Variants in IFFO2 observed in about 807,000 individuals in gnomAD.
IFFO2 encodes intermediate filament family orphan 2.
A neutral mutation model predicts 53.5 loss-of-function variants in IFFO2; 19 were observed. That is an observed-to-expected ratio of 0.36 (90% CI 0.25 to 0.52). The LOEUF is 0.52. Ranked by LOEUF, IFFO2 falls within the 20% of genes least tolerant of loss-of-function variation. IFFO2 has a pLI of 0.94. For missense variants in IFFO2, 570 were observed against 727.4 expected (o/e 0.78, Z 2.49); for synonymous variants, 303 against 313.6 (o/e 0.97, Z 0.36).
At chr1:18,911,243 G>A (rs1936031763) in intron 7 of IFFO2, 141 bp downstream of exon 7, 3 of 417,034 alleles carry the variant, frequency 7.2e-6, no homozygotes, top group South Asian at 9.3e-5. Flanking sequence ...TACTCGCCCC[G>A]AGGCCTCCTG....
chr1:18,919,821 G>T lies in IFFO2; in HGVS notation c.727-48C>A. The T allele has an allele frequency of 1.5e-6, 2 of 1,334,844 alleles. No homozygotes were observed. Among genetic ancestry groups the T allele is most frequent in the Non-Finnish European group, 1.0e-6 (1 of 952,504 alleles). The allele number at this position is 1,334,844 out of a possible 1,614,324, so 82.7% of individuals were successfully genotyped here. Reference sequence around the variant, plus strand: ...GCTTCAGAGGGGCCGGGTCCTCTGGGGATAGGAGGGTCTGGACACCTGAGT... The same window carrying T: ...GCTTCAGAGGGGCCGGGTCCTCTGGTGATAGGAGGGTCTGGACACCTGAGT... On this transcript the variant is annotated intron_variant, in intron 2 of 8. Transcript: ENST00000455833. This position sits in a 1 kb window ranked among gnomAD's most constrained non-coding sequence, Gnocchi z 4.9.
rs1307266891 is a variant in IFFO2 at position 18,908,551 on chromosome 1, G to A, written c.*10C>T. ...TCACCAAGACCACCAGGCTCGCAGG[G>A]CCTCAGTCATCAGCTGACCATGGGC... On this transcript the variant is annotated 3_prime_UTR_variant, in exon 9 of 9. Transcript: ENST00000455833. 6.5e-7 allele frequency: 1 copy of A among 1,542,966 alleles called. No homozygotes were observed. Among genetic ancestry groups the A allele is most frequent in the African/African-American group, 1.4e-5 (1 of 72,878 alleles).
At chr1:18,924,636 C>A (rs1936257512) in intron 1 of IFFO2, among the ~76,000 whole-genome samples, 1 of 152,214 alleles carries the variant, frequency 6.6e-6, no homozygotes, top group African/African-American at 2.4e-5. Flanking sequence ...GGATTCGAAC[C>A]CAGGTCTGAC....
intron 5 of IFFO2, 125 bp from the exon 6 acceptor site, chr1:18,912,208 G>T: frequency 1.7e-6 from 2 of 1,168,192 alleles, no homozygotes; most frequent in Non-Finnish European, 2.4e-6. Context: ...GGAAAGACAG[G>T]GGTAGTAAGC....
intron 6 of IFFO2, 31 bp downstream of exon 6, chr1:18,911,932 T>C: frequency 6.4e-7 from 1 of 1,550,914 alleles, no homozygotes; most frequent in East Asian, 2.4e-5. Flanking sequence ...CCCCTAGTCC[T>C]GGCCTTTGGG....
chr1:18,919,626 A>G lies in IFFO2; in HGVS notation c.822+52T>C. ...CCTCGGAGGGAATGAAGCATTTTGC[A>G]TGATGGGTGTGGGGGAGGTCATGAC... On this transcript the variant is annotated intron_variant, in intron 3 of 8. Coordinates refer to ENST00000455833, the MANE Select transcript of IFFO2 (RefSeq NM_001136265.2). This position sits in a 1 kb window ranked among gnomAD's most constrained non-coding sequence, Gnocchi z 4.9. The G allele has an allele frequency of 1.7e-6, 2 of 1,210,030 alleles. No homozygotes were observed. Among genetic ancestry groups the G allele is most frequent in the Middle Eastern group, 1.9e-4 (1 of 5,320 alleles). 75.0% of individuals were successfully genotyped at this position (1,210,030 alleles called of 1,614,324 possible). A position where few individuals can be genotyped will look rare whatever the true frequency, so the allele number is the denominator to read the frequency against.
At position 18,912,074 on chromosome 1, in the gene IFFO2, G is replaced by A. The variant is rs61750842; in HGVS notation, c.1113C>T (p.Thr371=). 4 of 1,551,518 alleles carry A rather than the reference G, an allele frequency of 2.6e-6. No homozygotes were observed. Among genetic ancestry groups the A allele is most frequent in the Non-Finnish European group, 3.5e-6 (4 of 1,146,924 alleles). Residue 371 remains threonine, a synonymous_variant, in exon 6 of 9, where the codon ACC becomes ACT. Coordinates refer to ENST00000455833, the MANE Select transcript of IFFO2 (RefSeq NM_001136265.2). ...MKRMFNQLRE[T]FDFDDDCDSL... ...TGTCACAGTCGTCGTCAAAGTCAAAGGTCTCCCGCCTGTGGGGGTGACACC... is the reference window on the plus strand; with the variant it reads ...TGTCACAGTCGTCGTCAAAGTCAAAAGTCTCCCGCCTGTGGGGGTGACACC...
At chr1:18,952,768 G>T (rs1171017477) in intron 1 of IFFO2, among the ~76,000 whole-genome samples, 1 of 152,146 alleles carries the variant, frequency 6.6e-6, no homozygotes, top group Non-Finnish European at 1.5e-5. Context: ...CCCTAAAACG[G>T]GATTGTGGTA....
chr1:18,943,521 A>G (rs1936546727), intron 1 of IFFO2, among the ~76,000 whole-genome samples: 1 of 152,238 alleles, frequency 6.6e-6, no homozygotes, highest in Non-Finnish European at 1.5e-5. Context: ...CAACTCCAAC[A>G]TTCTAGGCAA....
Position 18,936,766 on chromosome 1 carries a change from A to C in IFFO2, c.666-15645T>G, listed in dbSNP as rs1390727196. ...TTTCCTTATCATGTGCAGCCTGAAA[A>C]AATGAGGGGCTGGCAGCCAGGCAGA... On this transcript the variant is annotated intron_variant, in intron 1 of 8. Transcript: ENST00000455833. The surrounding 1 kb of genome is among the most constrained non-coding windows in gnomAD (Gnocchi z 4.5). 3.3e-5 allele frequency among the ~76,000 whole-genome samples: 5 copies of C among 152,182 alleles called. No homozygotes were observed.
intron 1 of IFFO2, among the ~76,000 whole-genome samples, chr1:18,952,240 C>T (rs568654651): frequency 2.0e-5 from 3 of 152,218 alleles, no homozygotes; most frequent in East Asian, 1.9e-4. Context: ...TTGACAACCT[C>T]GTCCTCATTG....
intron 1 of IFFO2, among the ~76,000 whole-genome samples, chr1:18,935,027 G>A (rs551931383): frequency 6.6e-6 from 1 of 152,326 alleles, no homozygotes; most frequent in East Asian, 1.9e-4. Context: ...AAAGAGCCAT[G>A]TGTGACGTGT....
intron 1 of IFFO2, among the ~76,000 whole-genome samples, chr1:18,951,774 C>A (rs1484584371): frequency 1.3e-5 from 2 of 152,200 alleles, no homozygotes; most frequent in African/African-American, 2.4e-5. Flanking sequence ...GGATGGCCAG[C>A]GCTGCCTATG....
Position 18,955,909 on chromosome 1 carries a change from C to G in IFFO2, c.424G>C (p.Gly142Arg), listed in dbSNP as rs370494370. The change falls in exon 1 of 9, where the codon GGC (glycine) becomes CGC (arginine). Residue 142 changes from glycine to arginine, a missense_variant. Physicochemically the swap from Gly to Arg is moderately radical, Grantham distance 125 (BLOSUM62 -2). Transcript: ENST00000455833. ...TGCGAGCCGCCGCCGGGGGGCAGGC[C>G]GCCCAGGGCCACGGCATTGGCGTTG... ...GANANAVALG[G>R]LPPGGGSHPQ... is the part of the protein sequence containing the mutation. The G allele has an allele frequency of 1.6e-4, 211 of 1,332,366 alleles. 1 individual carries two copies. The South Asian group carries it at 2.0e-3, about 13-fold the overall frequency. 82.5% of individuals were successfully genotyped at this position (1,332,366 alleles called of 1,614,324 possible). A position where few individuals can be genotyped will look rare whatever the true frequency, so the allele number is the denominator to read the frequency against.
rs553895054 is a variant in IFFO2 at position 18,948,458 on chromosome 1, G to A, written c.665+7210C>T. On this transcript the variant is annotated intron_variant, in intron 1 of 8. Transcript: ENST00000455833. ...CAGGCAAACCCAGACCAGGACCTGG[G>A]CTCCACGGACCCTCCAGAGAACCAG... Among the ~76,000 whole-genome samples the A allele has an allele frequency of 5.3e-5, 8 of 152,344 alleles. No homozygotes were observed. The South Asian group carries it at 1.7e-3, about 32-fold the overall frequency.
Position 18,956,294 on chromosome 1 carries a change from G to T in IFFO2, c.39C>A (p.Ala13=). 1 of 601,014 alleles carries T rather than the reference G, an allele frequency of 1.7e-6. No homozygotes were observed. The allele number at this position is 601,014 out of a possible 1,614,324, so 37.2% of individuals were successfully genotyped here. Reference sequence around the variant, plus strand: ...CGCCGCCGCCCGGCGGGCAGCCGAAGGCCAAGGCCATCTCCCCGAACAGCA... The same window carrying T: ...CGCCGCCGCCCGGCGGGCAGCCGAATGCCAAGGCCATCTCCCCGAACAGCA... The part of the protein sequence containing the change: ...NSLLFGEMAL[A]FGCPPGGGGG... Residue 13 remains alanine, a synonymous_variant, in exon 1 of 9, where the codon GCC becomes GCA. Transcript: ENST00000455833. This position sits in a 1 kb window ranked among gnomAD's most constrained non-coding sequence, Gnocchi z 6.4.
intron 1 of IFFO2, among the ~76,000 whole-genome samples, chr1:18,945,535 T>G (rs560902503): frequency 6.6e-6 from 1 of 152,310 alleles, no homozygotes; most frequent in South Asian, 2.1e-4. Context: ...AGATAGCCAA[T>G]TAAGAGGGCG....
chr1:18,919,914 C>T lies in IFFO2; in HGVS notation c.727-141G>A. On this transcript the variant is annotated intron_variant, in intron 2 of 8. Transcript: ENST00000455833. The surrounding 1 kb of genome is among the most constrained non-coding windows in gnomAD (Gnocchi z 4.9). ...GCAGCCAGGGAAGGGGCACCAAGGACCTCATCCCAGCCTGACTTCCCACTG... is the reference window on the plus strand; with the variant it reads ...GCAGCCAGGGAAGGGGCACCAAGGATCTCATCCCAGCCTGACTTCCCACTG... The T allele has an allele frequency of 1.6e-6, 1 of 617,068 alleles. No individual in the cohort carries two copies. The allele number at this position is 617,068 out of a possible 1,614,324, so 38.2% of individuals were successfully genotyped here. A position where few individuals can be genotyped will look rare whatever the true frequency, so the allele number is the denominator to read the frequency against.
chr1:18,914,510 C>T (rs1936102228), intron 5 of IFFO2, among the ~76,000 whole-genome samples: 1 of 152,190 alleles, frequency 6.6e-6, no homozygotes, highest in Non-Finnish European at 1.5e-5. Flanking sequence ...GACCCAACCA[C>T]TGCTTCTTTC....
Sources: allele counts gnomAD v4.1 joint callset (sites outside exome capture counted in the v4.1 genomes callset), GRCh38; gene constraint gnomAD v4.1.1; non-coding constraint Gnocchi (gnomAD v3.1); transcripts MANE v1.5; gene names NCBI Gene and HGNC (gene_info 2026-07-23, HGNC 2026-07-21).